Variants in XPO7 observed in about 807,000 individuals in gnomAD.
XPO7 encodes exportin-7.
Under a neutral mutation model 144.3 loss-of-function variants are expected in XPO7, and 21 were observed. The ratio of observed to expected loss-of-function variants is 0.15; its 90% CI spans 0.10 to 0.21. The LOEUF is 0.21. Among genes scored for constraint, XPO7 ranks in the 10% least tolerant of loss-of-function variants. The pLI, the probability that XPO7 is intolerant of heterozygous loss-of-function variation, is 1.00. For synonymous variants in XPO7, 580 were observed against 499.6 expected (o/e 1.16, Z -2.15); for missense variants, 808 against 1,325.8 (o/e 0.61, Z 6.06).
intron 1 of XPO7, among the ~76,000 whole-genome samples, chr8:21,961,416 A>G (rs973474895): frequency 1.3e-5 from 2 of 151,762 alleles, no homozygotes; most frequent in African/African-American, 2.4e-5. Flanking sequence ...GAGTCTCCCT[A>G]TATTGCTCAG....
chr8:21,934,327 A>G (rs1405615038), intron 1 of XPO7, among the ~76,000 whole-genome samples: 3 of 152,116 alleles, frequency 2.0e-5, no homozygotes, highest in Non-Finnish European at 4.4e-5. Flanking sequence ...TGAGGTCGGG[A>G]GTTTGAGACT....
intron 1 of XPO7, among the ~76,000 whole-genome samples, chr8:21,962,752 T>C (rs1173364188): frequency 1.3e-5 from 2 of 152,226 alleles, no homozygotes; most frequent in Admixed American, 1.3e-4. Context: ...AATGGTAATA[T>C]ACTCAACATA....
At chr8:21,923,928 A>G (rs1393162873) in intron 1 of XPO7, among the ~76,000 whole-genome samples, 1 of 152,204 alleles carries the variant, frequency 6.6e-6, no homozygotes, top group Non-Finnish European at 1.5e-5. Flanking sequence ...TAGTGTTTTG[A>G]AACTGCATCT....
At chr8:21,954,788 T>G (rs1412999665) in intron 1 of XPO7, among the ~76,000 whole-genome samples, 1 of 152,236 alleles carries the variant, frequency 6.6e-6, no homozygotes, top group East Asian at 1.9e-4. Flanking sequence ...TTTCTCATAT[T>G]TTGACTGCTT....
intron 4 of XPO7, among the ~76,000 whole-genome samples, chr8:21,971,052 A>G (rs1021846279): frequency 3.3e-5 from 5 of 152,168 alleles, no homozygotes; most frequent in African/African-American, 1.2e-4. Flanking sequence ...AAAATCTTTT[A>G]TGCTGAATTT....
intron 1 of XPO7, among the ~76,000 whole-genome samples, chr8:21,932,927 A>G (rs1810700459): frequency 1.3e-5 from 2 of 152,110 alleles, no homozygotes; most frequent in Non-Finnish European, 2.9e-5. Flanking sequence ...TCTGTTTAAT[A>G]TTTAATATTC....
At chr8:22,002,330 T>C (rs1287266869) in intron 25 of XPO7, 58 bp downstream of exon 25, 1 of 1,569,832 alleles carries the variant, frequency 6.4e-7, no homozygotes. Flanking sequence ...GAAGGACCTC[T>C]GCAAGACAGG....
intron 13 of XPO7, 127 bp downstream of exon 13, chr8:21,985,818 G>T: frequency 1.4e-6 from 1 of 728,560 alleles, no homozygotes; most frequent in Admixed American, 2.5e-5. Context: ...AGCTTTCAAG[G>T]CTTTTGTAAG....
chr8:21,986,368 G>A (rs1320558850), intron 13 of XPO7, among the ~76,000 whole-genome samples: 1 of 152,100 alleles, frequency 6.6e-6, no homozygotes, highest in Non-Finnish European at 1.5e-5. Context: ...GGCCAGGCTG[G>A]TCTCGAACTC....
At chr8:21,967,347 T>C (rs1212073913) in intron 2 of XPO7, among the ~76,000 whole-genome samples, 1 of 152,222 alleles carries the variant, frequency 6.6e-6, no homozygotes, top group African/African-American at 2.4e-5. Flanking sequence ...TATTTATTTT[T>C]GAGACGGAGT....
At chr8:21,925,596 G>A (rs1381906377) in intron 1 of XPO7, among the ~76,000 whole-genome samples, 5 of 152,142 alleles carry the variant, frequency 3.3e-5, no homozygotes, top group African/African-American at 9.7e-5. Flanking sequence ...GGGAAAGGGG[G>A]ATACCAGTAT....
At position 21,999,562 on chromosome 8, in the gene XPO7, T is replaced by C. The variant is rs756977154; in HGVS notation, c.2670T>C (p.Tyr890=). 4 of 1,614,046 alleles carry C rather than the reference T, an allele frequency of 2.5e-6. No homozygotes were observed. Among genetic ancestry groups the C allele is most frequent in the South Asian group, 1.1e-5 (1 of 91,088 alleles). The change falls in exon 24 of 28, where the codon TAT becomes TAC. Residue 890 remains tyrosine, a synonymous_variant. Transcript: ENST00000252512. ...ATTACCCCAAGCTCAGCCAGTCTTA[T>C]TATTCACTACTGGAAGTCCTGACCC... ...LLDYPKLSQS[Y]YSLLEVLTQD... is the part of the protein sequence containing the mutation.
At chr8:21,980,494 G>A (rs1027495970) in intron 9 of XPO7, among the ~76,000 whole-genome samples, 2 of 152,104 alleles carry the variant, frequency 1.3e-5, no homozygotes, top group African/African-American at 4.8e-5. Context: ...TAACATCTCC[G>A]GGCACAGAGG....
intron 19 of XPO7, 34 bp downstream of exon 19, chr8:21,992,008 T>C (rs1812787793): frequency 6.4e-7 from 1 of 1,569,864 alleles, no homozygotes; most frequent in African/African-American, 1.3e-5. Flanking sequence ...ATTAATCAGC[T>C]TCTGGTTTAG....
chr8:21,986,224 G>A (rs117950502), intron 13 of XPO7, among the ~76,000 whole-genome samples: 2,404 of 146,372 alleles, frequency 0.016, 37 homozygotes, highest in Middle Eastern at 0.074. Flanking sequence ...TGCAACCTCT[G>A]CCTCCCTGTT....
At chr8:21,994,331 C>G (rs761313736) in intron 19 of XPO7, 32 bp from the exon 20 acceptor site, 1 of 1,567,604 alleles carries the variant, frequency 6.4e-7, no homozygotes, top group Admixed American at 1.7e-5. Context: ...GTCTTTTCTT[C>G]TATTTTAACA....
In XPO7 at chr8:21,994,116, C is replaced by T. The variant is rs528525497; in HGVS notation, c.2149-247C>T. 2.0e-5 allele frequency among the ~76,000 whole-genome samples: 3 copies of T among 152,212 alleles called. No homozygotes were observed. The South Asian group carries it at 6.2e-4, about 32-fold the overall frequency. On this transcript the variant is annotated intron_variant, in intron 19 of 27. Transcript: ENST00000252512. ...GTATTTTCTTGGCAAAACAAACTTC[C>T]AAAGCTAATTTTCTTGGCATAACAA...
At chr8:21,977,349 G>A (rs767186802) in intron 7 of XPO7, among the ~76,000 whole-genome samples, 1 of 152,210 alleles carries the variant, frequency 6.6e-6, no homozygotes, top group Non-Finnish European at 1.5e-5. Context: ...GGGAGGCCGA[G>A]GCAGGCAGAT....
chr8:21,962,564 T>C (rs931676765), intron 1 of XPO7, among the ~76,000 whole-genome samples: 2 of 152,170 alleles, frequency 1.3e-5, no homozygotes, highest in South Asian at 2.1e-4. Context: ...TTTTAAAAAA[T>C]GCTTATCTTT....
Sources: gnomAD v4.1 joint callset for allele counts (sites outside exome capture counted in the v4.1 genomes callset) on GRCh38, gnomAD v4.1.1 for gene constraint, MANE v1.5 for transcripts, NCBI Gene and HGNC (gene_info 2026-07-23, HGNC 2026-07-21) for gene names.